PARD3B: variants seen among roughly 807,000 people sequenced by gnomAD.
PARD3B encodes par-3 family cell polarity regulator beta.
In PARD3B, 103 loss-of-function variants were observed where a neutral mutation model predicts 130.2. The observed-to-expected ratio is 0.79, with a 90% CI of 0.67 to 0.93. PARD3B has a LOEUF of 0.93. Ranked by LOEUF, PARD3B falls within the 40% of genes least tolerant of loss-of-function variation. The pLI is 0.00. For synonymous variants in PARD3B, 583 were observed against 553.2 expected, an observed-to-expected ratio of 1.05 and a Z score of -0.76; for missense variants, 1,609 against 1,499.2, an observed-to-expected ratio of 1.07 and a Z score of -1.21.
chr2:205,239,200 TTGGGATCTTCCTTTTTATTTTCA>T (rs1324690882), intron 15 of PARD3B, among the ~76,000 whole-genome samples: 2 of 151,894 alleles, frequency 1.3e-5, no homozygotes, highest in African/African-American at 4.8e-5. Flanking sequence ...AGGTCAAAGC[TTGGGATCTTCCTTTTTATTTTCA>T]TGCTACTCCC....
At chr2:204,877,471 A>G (rs571137688) in intron 2 of PARD3B, among the ~76,000 whole-genome samples, 2 of 152,338 alleles carry the variant, frequency 1.3e-5, no homozygotes, top group South Asian at 4.1e-4. Context: ...GACTTTTCCC[A>G]TATGTGAGTT....
chr2:205,135,135 G>A (rs775228328), intron 10 of PARD3B, among the ~76,000 whole-genome samples: 3 of 152,230 alleles, frequency 2.0e-5, no homozygotes, highest in South Asian at 2.1e-4. Flanking sequence ...TGAACAGCTC[G>A]GAAAAAGTCA....
intron 2 of PARD3B, among the ~76,000 whole-genome samples, chr2:204,911,223 T>A (rs968582282): frequency 6.6e-6 from 1 of 152,178 alleles, no homozygotes; most frequent in Non-Finnish European, 1.5e-5. Context: ...GACAGCTGTT[T>A]CCAGTTGTGC....
intron 18 of PARD3B, among the ~76,000 whole-genome samples, chr2:205,377,343 T>A (rs1482253133): frequency 1.3e-5 from 2 of 152,150 alleles, no homozygotes; most frequent in Non-Finnish European, 2.9e-5. Flanking sequence ...TTCTGGAAAT[T>A]CTGATTCAAA....
At chr2:205,031,083 A>T (rs1553601079) in intron 3 of PARD3B, among the ~76,000 whole-genome samples, 1 of 152,202 alleles carries the variant, frequency 6.6e-6, no homozygotes, top group Non-Finnish European at 1.5e-5. Context: ...CTTCAAGAAC[A>T]CAACCAAAGA....
At chr2:204,657,307 G>T (rs1448769067) in intron 1 of PARD3B, among the ~76,000 whole-genome samples, 1 of 152,078 alleles carries the variant, frequency 6.6e-6, no homozygotes, top group African/African-American at 2.4e-5. Flanking sequence ...GAGGATTTTT[G>T]AGCTCAACCT....
chr2:204,953,418 CACAGAGAGAGAGAGAGAGAGAG>C (rs1290182976), intron 2 of PARD3B, among the ~76,000 whole-genome samples: 16 of 117,520 alleles, frequency 1.4e-4, no homozygotes, highest in Admixed American at 9.5e-4. Flanking sequence ...CATACACACA[CACAGAGAGAGAGAGAGAGAGAG>C]AGAGAGAGAG....
At chr2:205,069,430 T>A (rs1700585775) in intron 4 of PARD3B, among the ~76,000 whole-genome samples, 1 of 152,174 alleles carries the variant, frequency 6.6e-6, no homozygotes, top group African/African-American at 2.4e-5. Flanking sequence ...TCTATTTAAA[T>A]GTATTGTAAT....
intron 2 of PARD3B, among the ~76,000 whole-genome samples, chr2:204,690,599 G>A (rs976443481): frequency 1.3e-5 from 2 of 151,988 alleles, no homozygotes; most frequent in African/African-American, 4.8e-5. Context: ...ATCAGTAAGG[G>A]AATGGATTCT....
chr2:204,555,463 C>T (rs1236036740), intron 1 of PARD3B, among the ~76,000 whole-genome samples: 1 of 152,086 alleles, frequency 6.6e-6, no homozygotes, highest in Non-Finnish European at 1.5e-5. Context: ...GAGGCCGAGG[C>T]AGGAGAATTG....
At chr2:204,960,177 C>G (rs1690620515) in intron 2 of PARD3B, among the ~76,000 whole-genome samples, 1 of 152,162 alleles carries the variant, frequency 6.6e-6, no homozygotes, top group Non-Finnish European at 1.5e-5. Context: ...CACATTTGTC[C>G]TTAAGCTACT....
chr2:204,789,971 C>T lies in PARD3B; in HGVS notation c.222+103689C>T, dbSNP rs180791929. Among the ~76,000 whole-genome samples the T allele has an allele frequency of 1.2e-3, 184 of 151,688 alleles. 2 individuals are homozygous for T. The highest frequency in any genetic ancestry group is 4.2e-3 in the African/African-American group (175 of 41,354). On this transcript the variant is annotated intron_variant, in intron 2 of 22. Transcript: ENST00000406610. ...CTGCAAGCTCCACCTCCCGGGTTCA[C>T]GCCATTCTCCTGCCTCAGCCTCCTG...
chr2:205,053,641 CAAA>C (rs777534366), intron 4 of PARD3B, among the ~76,000 whole-genome samples: 2 of 115,084 alleles, frequency 1.7e-5, no homozygotes, highest in Admixed American at 9.2e-5. Flanking sequence ...AACTCCATCT[CAAA>C]AAAAAAAAAA....
At position 205,581,189 on chromosome 2, in the gene PARD3B, T is replaced by C. The variant is rs527560125; in HGVS notation, c.3260+27786T>C. Among the ~76,000 whole-genome samples, 3 of 150,588 alleles carry C rather than the reference T, an allele frequency of 2.0e-5. No individual in the cohort carries two copies. The East Asian group carries it at 5.8e-4, about 29-fold the overall frequency. ...CCAAGATTTGGAATCTACCTAAGTG[T>C]CTATCAACAAATAAATGGATAAAGA... On this transcript the variant is annotated intron_variant, in intron 22 of 22. Coordinates refer to ENST00000406610, the MANE Select transcript of PARD3B (RefSeq NM_001302769.2).
chr2:205,038,149 G>C (rs1217230088), intron 3 of PARD3B, among the ~76,000 whole-genome samples: 1 of 152,166 alleles, frequency 6.6e-6, no homozygotes, highest in Non-Finnish European at 1.5e-5. Context: ...AAAGAATGTA[G>C]TATAAGATAT....
chr2:205,188,407 C>T lies in PARD3B; in HGVS notation c.2024+2544C>T, dbSNP rs191514862. On this transcript the variant is annotated intron_variant, in intron 14 of 22. Transcript: ENST00000406610. The stretch of plus-strand genomic sequence containing the variant: ...GGAGAGCAGTGGAGAAGCATTGAAG[C>T]GCTTTGAGCCTGGAGATGACAGTAT... 9.9e-5 allele frequency among the ~76,000 whole-genome samples: 15 copies of T among 152,190 alleles called. No individual in the cohort carries two copies. In the South Asian group the frequency reaches 2.3e-3, roughly 23 times the overall value.
intron 3 of PARD3B, among the ~76,000 whole-genome samples, chr2:204,985,054 A>C (rs1198548910): frequency 6.6e-6 from 1 of 152,104 alleles, no homozygotes; most frequent in African/African-American, 2.4e-5. Context: ...ATTGCTACAA[A>C]TTCAATGGTA....
At chr2:205,531,210 G>A (rs144874520) in intron 21 of PARD3B, among the ~76,000 whole-genome samples, 32 of 152,170 alleles carry the variant, frequency 2.1e-4, no homozygotes, top group South Asian at 1.9e-3. Context: ...CTGCAAATGT[G>A]GCCATTGATG....
rs1339119533 is a variant in PARD3B at position 204,995,802 on chromosome 2, A to C, written c.394+30479A>C. Reference sequence around the variant, plus strand: ...TTTCTTTTTATTCTTTTTTCTCTAAACTTCCCTTCTCGCTTCATTTCATTC... The same window carrying C: ...TTTCTTTTTATTCTTTTTTCTCTAACCTTCCCTTCTCGCTTCATTTCATTC... On this transcript the variant is annotated intron_variant, in intron 3 of 22. Transcript: ENST00000406610. 3.7e-4 allele frequency among the ~76,000 whole-genome samples: 18 copies of C among 48,942 alleles called. 1 individual carries two copies. Among genetic ancestry groups the C allele is most frequent in the African/African-American group, 1.5e-3 (17 of 11,570 alleles). The allele number at this position is 48,942 out of a possible 152,430, so 32.1% of individuals were successfully genotyped here. A position where few individuals can be genotyped will look rare whatever the true frequency, so the allele number is the denominator to read the frequency against.
Sources: allele counts gnomAD v4.1 joint callset (sites outside exome capture counted in the v4.1 genomes callset), GRCh38; gene constraint gnomAD v4.1.1; transcripts MANE v1.5; gene names NCBI Gene and HGNC (gene_info 2026-07-23, HGNC 2026-07-21).